GLT8D2: variants seen among roughly 807,000 people sequenced by gnomAD.
The protein encoded by GLT8D2 is glycosyltransferase 8 domain-containing protein 2.
In GLT8D2, 45 loss-of-function variants were observed where a neutral mutation model predicts 44.5. The ratio of observed to expected loss-of-function variants is 1.01; its 90% CI spans 0.80 to 1.30. The LOEUF is 1.30. Among genes scored for constraint, GLT8D2 ranks in the 50% most tolerant of loss-of-function variants. The pLI is 0.00. For missense variants in GLT8D2, 400 were observed against 430.4 expected, an observed-to-expected ratio of 0.93 and a Z score of 0.62; for synonymous variants, 156 against 157.2, an observed-to-expected ratio of 0.99 and a Z score of 0.06.
intron 8 of GLT8D2, among the ~76,000 whole-genome samples, chr12:103,996,472 A>G (rs183378999): frequency 6.6e-6 from 1 of 152,316 alleles, no homozygotes; most frequent in Non-Finnish European, 1.5e-5. Context: ...AAGACACAAC[A>G]AAGTAGACAT....
At chr12:104,009,028 A>C (rs1875470455) in intron 4 of GLT8D2, among the ~76,000 whole-genome samples, 1 of 152,264 alleles carries the variant, frequency 6.6e-6, no homozygotes, top group Non-Finnish European at 1.5e-5. Flanking sequence ...CTGCTAGGGC[A>C]GTGCAGAAGG....
chr12:104,060,817 A>T (rs1487231669), intron 1 of GLT8D2, among the ~76,000 whole-genome samples: 1 of 152,114 alleles, frequency 6.6e-6, no homozygotes, highest in Non-Finnish European at 1.5e-5. Context: ...CAGCTACTCC[A>T]AAAGCTGAGG....
chr12:104,037,053 C>T (rs1384458791), intron 1 of GLT8D2, among the ~76,000 whole-genome samples: 1 of 152,186 alleles, frequency 6.6e-6, no homozygotes. Flanking sequence ...CAACCTGCTC[C>T]TGAAGGACTA....
chr12:103,993,519 A>G lies in GLT8D2; in HGVS notation c.768-15T>C, dbSNP rs756509676. 2 of 1,533,780 alleles carry G rather than the reference A, an allele frequency of 1.3e-6. No homozygotes were observed. The highest frequency in any genetic ancestry group is 2.3e-5 in the East Asian group (1 of 43,920). On this transcript the variant is annotated splice_polypyrimidine_tract_variant and intron_variant, in intron 9 of 10. Coordinates refer to ENST00000360814, the MANE Select transcript of GLT8D2 (RefSeq NM_001384711.1). ...AGAGGTTTTCCCTAAGAAATGAAATAGAAAAACAACATTTGGCCTGGAGCC... is the reference window on the plus strand; with the variant it reads ...AGAGGTTTTCCCTAAGAAATGAAATGGAAAAACAACATTTGGCCTGGAGCC...
intron 1 of GLT8D2, among the ~76,000 whole-genome samples, chr12:104,044,297 A>G (rs577976368): frequency 2.6e-4 from 40 of 152,294 alleles, no homozygotes; most frequent in African/African-American, 9.6e-4. Flanking sequence ...AGCAATTACC[A>G]TCTTCCAACA....
chr12:104,064,234 G>A, upstream of GLT8D2: 1 of 263,270 alleles, frequency 3.8e-6, no homozygotes, highest in Non-Finnish European at 7.2e-6. This position sits in a 1 kb window ranked among gnomAD's most constrained non-coding sequence, Gnocchi z 7.3. Context: ...TGGACGTAAA[G>A]GAAGATGCTG....
chr12:104,028,775 C>T (rs1280746073), intron 1 of GLT8D2, among the ~76,000 whole-genome samples: 1 of 152,110 alleles, frequency 6.6e-6, no homozygotes, highest in African/African-American at 2.4e-5. Context: ...CAAAATGAAA[C>T]AAATTGAAAT....
chr12:104,046,505 G>C (rs528773156), intron 1 of GLT8D2, among the ~76,000 whole-genome samples: 1 of 152,320 alleles, frequency 6.6e-6, no homozygotes, highest in African/African-American at 2.4e-5. Context: ...CACCTTGATA[G>C]TTACTACAGC....
intron 1 of GLT8D2, among the ~76,000 whole-genome samples, chr12:104,037,202 G>A (rs1345463856): frequency 9.9e-5 from 15 of 152,182 alleles, no homozygotes; most frequent in Non-Finnish European, 2.1e-4. Context: ...ATGCCCACAA[G>A]AGAAAACAGG....
chr12:104,059,382 C>A (rs1279401365), intron 1 of GLT8D2, among the ~76,000 whole-genome samples: 1 of 152,138 alleles, frequency 6.6e-6, no homozygotes, highest in East Asian at 1.9e-4. Context: ...ACTAAGTACT[C>A]AGGAAATTAG....
chr12:104,017,408 T>C (rs551831703), intron 3 of GLT8D2, among the ~76,000 whole-genome samples: 1 of 152,286 alleles, frequency 6.6e-6, no homozygotes, highest in East Asian at 1.9e-4. Context: ...CTGCAACCTC[T>C]GCCTCCTGGA....
At chr12:104,027,609 A>G (rs1181748255) in intron 1 of GLT8D2, among the ~76,000 whole-genome samples, 1 of 152,254 alleles carries the variant, frequency 6.6e-6, no homozygotes, top group Non-Finnish European at 1.5e-5. Flanking sequence ...TAGGGGTCAG[A>G]TAATAATCAT....
At chr12:103,989,775 T>A (rs756779498) in intron 10 of GLT8D2, among the ~76,000 whole-genome samples, 198 bp from the exon 11 acceptor site, 1 of 152,174 alleles carries the variant, frequency 6.6e-6, no homozygotes, top group Non-Finnish European at 1.5e-5. Context: ...ATAGCATTGT[T>A]TGACCTGTAT....
intron 1 of GLT8D2, among the ~76,000 whole-genome samples, chr12:104,040,904 G>A (rs1239799863): frequency 6.6e-6 from 1 of 152,212 alleles, no homozygotes; most frequent in Non-Finnish European, 1.5e-5. Context: ...TGATTGGGGA[G>A]TCAGCACTGT....
chr12:104,042,376 G>C (rs2136479674), intron 1 of GLT8D2, among the ~76,000 whole-genome samples: 1 of 152,314 alleles, frequency 6.6e-6, no homozygotes, highest in Admixed American at 6.5e-5. Context: ...TCATCGAACT[G>C]CTGAATCAAT....
rs199694370 is a variant in GLT8D2 at position 103,997,497 on chromosome 12, G to T, written c.441C>A (p.His147Gln). The change falls in exon 7 of 11, where the codon CAC becomes CAA. Residue 147 changes from histidine (H) to glutamine (Q), a missense_variant. His to Gln is a conservative substitution (Grantham distance 24, BLOSUM62 0). Coordinates refer to ENST00000360814, the MANE Select transcript of GLT8D2 (RefSeq NM_001384711.1). ...CCAAATAGATGACTTTCTCGTGTTG[G>T]TGGATAAGTAGAGGGAGATAAAATC... Reference protein sequence around the residue: ...FVRFYLPLLIHQHEKVIYLDD... With the variant: ...FVRFYLPLLIQQHEKVIYLDD... The T allele has an allele frequency of 2.5e-4, 409 of 1,613,734 alleles. 2 individuals are homozygous for T. In the Admixed American group the frequency reaches 5.3e-3, roughly 21 times the overall value.
At chr12:104,039,320 C>T (rs1212158292) in intron 1 of GLT8D2, among the ~76,000 whole-genome samples, 1 of 152,180 alleles carries the variant, frequency 6.6e-6, no homozygotes, top group Non-Finnish European at 1.5e-5. Flanking sequence ...TAAAGAGCTT[C>T]TGCACAGCAA....
chr12:104,050,531 G>A (rs1881610379), upstream of GLT8D2, among the ~76,000 whole-genome samples: 1 of 152,122 alleles, frequency 6.6e-6, no homozygotes, highest in Non-Finnish European at 1.5e-5. Context: ...AATGACAAAA[G>A]TTTCAGGATG....
At chr12:104,020,476 C>G (rs548846080) in intron 2 of GLT8D2, among the ~76,000 whole-genome samples, 1 of 152,128 alleles carries the variant, frequency 6.6e-6, no homozygotes, top group Admixed American at 6.5e-5. Flanking sequence ...ACTAAAAGCC[C>G]AGCACTGTGC....
Sources: allele counts gnomAD v4.1 joint callset (sites outside exome capture counted in the v4.1 genomes callset), GRCh38; gene constraint gnomAD v4.1.1; non-coding constraint Gnocchi (gnomAD v3.1); transcripts MANE v1.5; gene names NCBI Gene and HGNC (gene_info 2026-07-23, HGNC 2026-07-21).